MAGI2: variants seen among roughly 807,000 people sequenced by gnomAD.
The protein encoded by MAGI2 is membrane-associated guanylate kinase, WW and PDZ domain-containing protein 2.
In MAGI2, 35 loss-of-function variants were observed where a neutral mutation model predicts 133.3. The observed-to-expected ratio is 0.26, with a 90% CI of 0.20 to 0.35. MAGI2 has a LOEUF of 0.35. Ranked by LOEUF, MAGI2 falls within the 10% of genes least tolerant of loss-of-function variation. The pLI is 1.00. For synonymous variants in MAGI2, 729 were observed against 710.6 expected, an observed-to-expected ratio of 1.03 and a Z score of -0.41; for missense variants, 1,636 against 1,863.4, an observed-to-expected ratio of 0.88 and a Z score of 2.25.
chr7:79,207,595 G>T (rs1302035244), intron 1 of MAGI2, among the ~76,000 whole-genome samples: 1 of 151,762 alleles, frequency 6.6e-6, no homozygotes, highest in African/African-American at 2.4e-5. Flanking sequence ...CATGTTCTAT[G>T]GATTGGAAGA....
chr7:78,288,444 T>C, intron 9 of MAGI2, among the ~76,000 whole-genome samples: 1 of 152,212 alleles, frequency 6.6e-6, no homozygotes, highest in African/African-American at 2.4e-5. Context: ...CTCAATGCTT[T>C]CTCCTTCCCT....
chr7:79,352,793 T>C (rs142507541), intron 1 of MAGI2, among the ~76,000 whole-genome samples: 1 of 152,182 alleles, frequency 6.6e-6, no homozygotes, highest in South Asian at 2.1e-4. Context: ...GATAAGCCAG[T>C]CTGCAAAGTA....
At chr7:79,068,269 C>A (rs779993962) in intron 1 of MAGI2, among the ~76,000 whole-genome samples, 1 of 152,110 alleles carries the variant, frequency 6.6e-6, no homozygotes, top group Admixed American at 6.6e-5. Context: ...TTAAATATTG[C>A]CTTAATTTCA....
chr7:78,018,445 C>A lies in MAGI2; in HGVS notation c.*870G>T, dbSNP rs974014556. On this transcript the variant is annotated 3_prime_UTR_variant, in exon 22 of 22. Transcript: ENST00000354212. The stretch of plus-strand genomic sequence containing the variant: ...ACAGAAAAGCCTCTTCATAAAGGAA[C>A]TGCAGCGTTGCCTATCTTGATTAAA... 2 of 152,260 alleles carry A rather than the reference C, an allele frequency of 1.3e-5. No homozygotes were observed. Among genetic ancestry groups the A allele is most frequent in the Non-Finnish European group, 2.9e-5 (2 of 68,038 alleles). 9.4% of individuals were successfully genotyped at this position (152,260 alleles called of 1,614,324 possible).
intron 6 of MAGI2, among the ~76,000 whole-genome samples, chr7:78,385,012 T>C (rs11982997): frequency 0.07 from 10,644 of 152,270 alleles, 407 homozygotes; most frequent in South Asian, 0.096. Flanking sequence ...ACATCAGTTT[T>C]GCTTTTGCCG....
intron 1 of MAGI2, among the ~76,000 whole-genome samples, chr7:79,292,557 T>C (rs1563084413): frequency 6.6e-6 from 1 of 151,496 alleles, no homozygotes; most frequent in Non-Finnish European, 1.5e-5. Flanking sequence ...CACTTGAACC[T>C]GAGAAACAGA....
At chr7:79,028,245 A>ATGTATG (rs1562805054) in intron 1 of MAGI2, among the ~76,000 whole-genome samples, 7 of 96,246 alleles carry the variant, frequency 7.3e-5, no homozygotes, top group African/African-American at 3.0e-4. Context: ...GTATATATAT[A>ATGTATG]TATATATATA....
intron 7 of MAGI2, among the ~76,000 whole-genome samples, chr7:78,355,363 C>T (rs1352115269): frequency 6.6e-6 from 1 of 152,072 alleles, no homozygotes; most frequent in Non-Finnish European, 1.5e-5. Flanking sequence ...TTAATAGATG[C>T]CACAGTTTGC....
At chr7:78,717,451 T>A (rs1819829659) in intron 2 of MAGI2, among the ~76,000 whole-genome samples, 1 of 152,178 alleles carries the variant, frequency 6.6e-6, no homozygotes, top group Non-Finnish European at 1.5e-5. Flanking sequence ...GACCTTACTA[T>A]GGTGAAAATC....
intron 3 of MAGI2, among the ~76,000 whole-genome samples, chr7:78,591,313 A>C (rs1301592342): frequency 6.6e-6 from 1 of 152,234 alleles, no homozygotes; most frequent in Non-Finnish European, 1.5e-5. Context: ...AAAGGTTTTA[A>C]CCTACAGCAA....
intron 2 of MAGI2, among the ~76,000 whole-genome samples, chr7:78,663,293 G>A (rs918240333): frequency 2.8e-5 from 4 of 141,134 alleles, no homozygotes; most frequent in African/African-American, 5.3e-5. Flanking sequence ...TGCAATATCC[G>A]CCTCCCGGGT....
At chr7:78,076,761 G>C (rs1343044409) in intron 21 of MAGI2, among the ~76,000 whole-genome samples, 4 of 148,370 alleles carry the variant, frequency 2.7e-5, no homozygotes, top group African/African-American at 9.9e-5. Flanking sequence ...CAGGAGAATG[G>C]CGTGAACCCG....
intron 20 of MAGI2, among the ~76,000 whole-genome samples, chr7:78,103,990 T>C (rs552462379): frequency 2.6e-5 from 4 of 152,342 alleles, no homozygotes; most frequent in South Asian, 2.1e-4. Flanking sequence ...ATTTGTGATA[T>C]CTGAGCTACG....
At chr7:78,413,229 G>A (rs1310108550) in intron 6 of MAGI2, among the ~76,000 whole-genome samples, 1 of 152,074 alleles carries the variant, frequency 6.6e-6, no homozygotes, top group Non-Finnish European at 1.5e-5. Context: ...TCTGATCTGT[G>A]TAAAGACCAA....
chr7:78,262,638 T>G (rs1317948052), intron 9 of MAGI2, among the ~76,000 whole-genome samples: 1 of 152,098 alleles, frequency 6.6e-6, no homozygotes, highest in Non-Finnish European at 1.5e-5. Flanking sequence ...ACTTCCTAGG[T>G]CTTATTCCTC....
At chr7:79,000,405 C>T (rs975989605) in intron 2 of MAGI2, 3 of 152,090 alleles carry the variant, frequency 2.0e-5, no homozygotes, top group Admixed American at 6.6e-5. Flanking sequence ...GATGTTAACA[C>T]GTATTTTTAC....
intron 5 of MAGI2, among the ~76,000 whole-genome samples, chr7:78,501,122 T>C (rs73152161): frequency 0.16 from 23,871 of 152,184 alleles, 2,177 homozygotes; most frequent in South Asian, 0.34. Flanking sequence ...ACAACATCAA[T>C]ATTTTTTCTT....
chr7:79,068,029 A>G (rs1814546309), intron 1 of MAGI2, among the ~76,000 whole-genome samples: 2 of 151,824 alleles, frequency 1.3e-5, no homozygotes, highest in African/African-American at 2.4e-5. Context: ...GAGGATTTTC[A>G]CATCGATGTT....
At chr7:78,800,308 T>C (rs1401583584) in intron 2 of MAGI2, among the ~76,000 whole-genome samples, 1 of 152,070 alleles carries the variant, frequency 6.6e-6, no homozygotes, top group African/African-American at 2.4e-5. Context: ...TGAGGGGTGA[T>C]GTAGGAGTGG....
Sources: gnomAD v4.1 joint callset for allele counts (sites outside exome capture counted in the v4.1 genomes callset) on GRCh38, gnomAD v4.1.1 for gene constraint, MANE v1.5 for transcripts, NCBI Gene and HGNC (gene_info 2026-07-23, HGNC 2026-07-21) for gene names.